The following TMEM38B variants were observed in gnomAD, a reference collection of about 807,000 sequenced individuals.
TMEM38B encodes trimeric intracellular cation channel type B.
Under a neutral mutation model 28.7 loss-of-function variants are expected in TMEM38B, and 24 were observed. The ratio of observed to expected loss-of-function variants is 0.84; its 90% CI spans 0.61 to 1.18. TMEM38B has a LOEUF of 1.18. Among genes scored for constraint, TMEM38B ranks in the 50% most tolerant of loss-of-function variants. The pLI, the probability that TMEM38B is intolerant of heterozygous loss-of-function variation, is 0.00. For missense variants in TMEM38B, 380 were observed against 350.9 expected (o/e 1.08, Z -0.66); for synonymous variants, 131 against 127.7 (o/e 1.03, Z -0.17).
chr9:105,775,506 T>C lies in TMEM38B; in HGVS notation c.*1426T>C, dbSNP rs928859514. 3.9e-5 allele frequency: 6 copies of C among 152,050 alleles called. No individual in the cohort carries two copies. Among genetic ancestry groups the C allele is most frequent in the African/African-American group, 1.4e-4 (6 of 41,420 alleles). 9.4% of individuals were successfully genotyped at this position (152,050 alleles called of 1,614,324 possible). A position where few individuals can be genotyped will look rare whatever the true frequency, so the allele number is the denominator to read the frequency against. ...GTTAGAAGTTTTTTTTTTGTTGTTGTTATTTTAAATTTTTAACAAATATAA... is the reference window on the plus strand; with the variant it reads ...GTTAGAAGTTTTTTTTTTGTTGTTGCTATTTTAAATTTTTAACAAATATAA... On this transcript the variant is annotated 3_prime_UTR_variant, in exon 6 of 6. Transcript: ENST00000374692.
At position 105,721,636 on chromosome 9, in the gene TMEM38B, T is replaced by C; in HGVS notation, c.369T>C (p.Thr123=). 6.2e-7 allele frequency: 1 copy of C among 1,613,698 alleles called. No homozygotes were observed. The highest frequency in any genetic ancestry group is 8.5e-7 in the Non-Finnish European group (1 of 1,179,712). ...CGGGAATGAAGGAAGTGACCAGAAC[T>C]TGGAAAATAGTAGGTGGAGTCACAC... The part of the protein sequence containing the change: ...LASGMKEVTR[T]WKIVGGVTHA... Residue 123 remains threonine, a synonymous_variant, in exon 3 of 6, where the codon ACT becomes ACC. Transcript: ENST00000374692.
At chr9:105,726,194 T>C (rs1836505598) in intron 4 of TMEM38B, among the ~76,000 whole-genome samples, 1 of 152,146 alleles carries the variant, frequency 6.6e-6, no homozygotes, top group Non-Finnish European at 1.5e-5. Flanking sequence ...TTGTTAACTA[T>C]ATTGTACTAC....
At chr9:105,745,422 G>T (rs547224393) in intron 4 of TMEM38B, among the ~76,000 whole-genome samples, 179 of 152,144 alleles carry the variant, frequency 1.2e-3, no homozygotes, top group South Asian at 0.011. Flanking sequence ...TCGCTCACTT[G>T]TTGATGGGGT....
At chr9:105,756,219 A>G (rs1167105764) in intron 5 of TMEM38B, among the ~76,000 whole-genome samples, 1 of 152,258 alleles carries the variant, frequency 6.6e-6, no homozygotes, top group Non-Finnish European at 1.5e-5. Context: ...GGATTATGGC[A>G]TCTGCAGATA....
chr9:105,761,239 T>C (rs1838036878), intron 5 of TMEM38B, among the ~76,000 whole-genome samples: 2 of 152,176 alleles, frequency 1.3e-5, no homozygotes, highest in African/African-American at 4.8e-5. Context: ...TTGCACTCTT[T>C]TGTATATTCT....
chr9:105,704,648 G>T (rs1257258866), intron 1 of TMEM38B, among the ~76,000 whole-genome samples: 1 of 151,838 alleles, frequency 6.6e-6, no homozygotes. Flanking sequence ...AGAAGTGGCC[G>T]GGCTCGGTGG....
chr9:105,762,367 A>T (rs1838088037), intron 5 of TMEM38B, among the ~76,000 whole-genome samples: 3 of 147,520 alleles, frequency 2.0e-5, no homozygotes, highest in Admixed American at 6.7e-5. Flanking sequence ...CTAACTCATT[A>T]TCTAGCATTA....
intron 4 of TMEM38B, among the ~76,000 whole-genome samples, chr9:105,734,883 C>T (rs12342079): frequency 0.011 from 1,452 of 138,156 alleles, 21 homozygotes; most frequent in African/African-American, 0.036. Flanking sequence ...TTTTTTTTGT[C>T]AGTTCAACCA....
intron 2 of TMEM38B, among the ~76,000 whole-genome samples, chr9:105,719,721 G>T (rs926580963): frequency 6.6e-6 from 1 of 152,044 alleles, no homozygotes; most frequent in East Asian, 1.9e-4. Flanking sequence ...GTTGAATACC[G>T]AAGTCCAAGA....
chr9:105,748,276 G>A, intron 5 of TMEM38B, 86 bp downstream of exon 5: 1 of 912,480 alleles, frequency 1.1e-6, no homozygotes, highest in Middle Eastern at 2.8e-4. Flanking sequence ...GCAAGTAAGA[G>A]GAACATTTAT....
rs1838098009 is a variant in TMEM38B at position 105,762,523 on chromosome 9, T to C, written c.661-11342T>C. ...ATATGCGGTGTTTGGTTTTTTGTCCTTGCGATAGTTTACTGAGAATGATGA... is the reference window on the plus strand; with the variant it reads ...ATATGCGGTGTTTGGTTTTTTGTCCCTGCGATAGTTTACTGAGAATGATGA... On this transcript the variant is annotated intron_variant, in intron 5 of 5. Coordinates refer to ENST00000374692, the MANE Select transcript of TMEM38B (RefSeq NM_018112.3). Among the ~76,000 whole-genome samples the C allele has an allele frequency of 4.7e-5, 7 of 148,996 alleles. No individual in the cohort carries two copies. In the South Asian group the frequency reaches 1.5e-3, roughly 32 times the overall value.
At chr9:105,698,829 T>C (rs1835367857) in intron 1 of TMEM38B, among the ~76,000 whole-genome samples, 1 of 152,158 alleles carries the variant, frequency 6.6e-6, no homozygotes. Context: ...ACTTCAACTA[T>C]GTAGTTTTAT....
At chr9:105,729,063 G>A (rs1376938287) in intron 4 of TMEM38B, among the ~76,000 whole-genome samples, 1 of 152,172 alleles carries the variant, frequency 6.6e-6, no homozygotes, top group Non-Finnish European at 1.5e-5. Flanking sequence ...TGCTTTTGCT[G>A]TGCAGAAGCT....
intron 2 of TMEM38B, among the ~76,000 whole-genome samples, chr9:105,709,265 C>T (rs1187878192): frequency 6.6e-6 from 1 of 152,094 alleles, no homozygotes; most frequent in Non-Finnish European, 1.5e-5. Context: ...TTTAATATAA[C>T]TCCAGTATAT....
At chr9:105,708,212 G>A (rs749710801) in intron 2 of TMEM38B, among the ~76,000 whole-genome samples, 71 of 150,866 alleles carry the variant, frequency 4.7e-4, no homozygotes, top group Admixed American at 3.7e-3. Context: ...AAAAATATTT[G>A]GAAAAAAATC....
Position 105,694,585 on chromosome 9 carries a change from C to A in TMEM38B, c.-76C>A, listed in dbSNP as rs553413660. On this transcript the variant is annotated 5_prime_UTR_variant, in exon 1 of 6. Coordinates refer to ENST00000374692, the MANE Select transcript of TMEM38B (RefSeq NM_018112.3). ...AGGAGCGGGCGGCCGCGGCTGTGCC[C>A]TCTCCTACTCCTCACCGCGCGAGCG... is the stretch of plus-strand genomic sequence containing the variant. The A allele has an allele frequency of 5.0e-5, 62 of 1,232,110 alleles. No individual in the cohort carries two copies. The highest frequency in any genetic ancestry group is 6.9e-5 in the Non-Finnish European group (59 of 850,668). The allele number at this position is 1,232,110 out of a possible 1,614,324, so 76.3% of individuals were successfully genotyped here.
At chr9:105,767,912 G>T (rs1284327645) in intron 5 of TMEM38B, among the ~76,000 whole-genome samples, 4 of 151,980 alleles carry the variant, frequency 2.6e-5, no homozygotes, top group Non-Finnish European at 1.5e-5. Flanking sequence ...TTTCAACCCG[G>T]ATGCTGTTTT....
chr9:105,710,701 C>A, intron 2 of TMEM38B: 2 of 663,720 alleles, frequency 3.0e-6, no homozygotes, highest in Non-Finnish European at 5.8e-6. Flanking sequence ...AAATTCACAC[C>A]GTAAATCTTC....
chr9:105,725,413 A>G (rs908924655), intron 4 of TMEM38B, among the ~76,000 whole-genome samples: 3 of 150,848 alleles, frequency 2.0e-5, no homozygotes, highest in Non-Finnish European at 4.4e-5. Context: ...ATTATCAACA[A>G]CTGGGTCAAG....
Sources: allele counts gnomAD v4.1 joint callset (sites outside exome capture counted in the v4.1 genomes callset), GRCh38; gene constraint gnomAD v4.1.1; transcripts MANE v1.5; gene names NCBI Gene and HGNC (gene_info 2026-07-23, HGNC 2026-07-21).